Variants in ADCY5 observed in about 807,000 individuals in gnomAD.
The protein encoded by ADCY5 is adenylate cyclase type 5.
In ADCY5, 30 loss-of-function variants were observed where a neutral mutation model predicts 119.7. The observed-to-expected ratio is 0.25, with a 90% CI of 0.19 to 0.34. ADCY5 has a LOEUF of 0.34. Ranked by LOEUF, ADCY5 falls within the 10% of genes least tolerant of loss-of-function variation. The pLI is 1.00. For synonymous variants in ADCY5, 753 were observed against 762.2 expected, an observed-to-expected ratio of 0.99 and a Z score of 0.20; for missense variants, 1,324 against 1,775.2, an observed-to-expected ratio of 0.75 and a Z score of 4.57.
At position 123,286,302 on chromosome 3, in the gene ADCY5, T is replaced by G. The variant is rs1576518697; in HGVS notation, c.3657+383A>C. 6.6e-6 allele frequency among the ~76,000 whole-genome samples: 1 copy of G among 151,722 alleles called. No individual in the cohort carries two copies. Among genetic ancestry groups the G allele is most frequent in the Non-Finnish European group, 1.5e-5 (1 of 67,914 alleles). ...TGGCTCTCCTGAGCCAGGCCAGGAG[T>G]GCTGCAGGCTCAATGGGTAAGACCT... On this transcript the variant is annotated intron_variant, in intron 20 of 20. Coordinates refer to ENST00000462833, the MANE Select transcript of ADCY5 (RefSeq NM_183357.3). The surrounding 1 kb of genome is among the most constrained non-coding windows in gnomAD (Gnocchi z 4.2).
At chr3:123,419,712 T>C (rs1945261221) in intron 1 of ADCY5, among the ~76,000 whole-genome samples, 1 of 152,066 alleles carries the variant, frequency 6.6e-6, no homozygotes, top group Non-Finnish European at 1.5e-5. Context: ...TTGCTTCCAC[T>C]GCTCCCCCTG....
chr3:123,304,095 A>G lies in ADCY5; in HGVS notation c.2531T>C (p.Leu844Pro), dbSNP rs777065104. 1.3e-6 allele frequency: 2 copies of G among 1,572,026 alleles called. No individual in the cohort carries two copies. Among genetic ancestry groups the G allele is most frequent in the Non-Finnish European group, 1.7e-6 (2 of 1,153,020 alleles). The change falls in exon 13 of 21, where the codon CTG becomes CCG. Residue 844 changes from leucine (L) to proline (P), a missense_variant. Leu to Pro is a moderately conservative substitution (Grantham distance 98). Around this residue, in one of 6 missense-constraint regions of ADCY5, gnomAD observed 424 missense variants for 546.8 expected, o/e 0.78. Transcript: ENST00000462833. ...GTTGACAAAAGCCGCCAGGAACACCAGGGTGATGGTGAACACCCCAACCAG... is the reference window on the plus strand; with the variant it reads ...GTTGACAAAAGCCGCCAGGAACACCGGGGTGATGGTGAACACCCCAACCAG... ...STLVGVFTITLVFLAAFVNMF... is the reference protein window; with the variant it reads ...STLVGVFTITPVFLAAFVNMF...
chr3:123,428,947 T>G (rs1351934422), intron 1 of ADCY5, among the ~76,000 whole-genome samples: 1 of 152,226 alleles, frequency 6.6e-6, no homozygotes, highest in Non-Finnish European at 1.5e-5. Context: ...ACTTTTTAAC[T>G]GTGCAACCTT....
At chr3:123,428,190 T>C (rs1945450712) in intron 1 of ADCY5, among the ~76,000 whole-genome samples, 1 of 152,188 alleles carries the variant, frequency 6.6e-6, no homozygotes, top group Non-Finnish European at 1.5e-5. Flanking sequence ...GTACAGTCCC[T>C]TCTTATTTGA....
intron 1 of ADCY5, among the ~76,000 whole-genome samples, chr3:123,364,935 CT>C (rs376085783): frequency 1.2e-3 from 164 of 137,136 alleles, no homozygotes; most frequent in Middle Eastern, 3.8e-3. Flanking sequence ...GTGTTTTTCA[CT>C]TTTTTTTTTT....
At chr3:123,292,013 G>C (rs1048984482) in intron 17 of ADCY5, among the ~76,000 whole-genome samples, 1 of 152,166 alleles carries the variant, frequency 6.6e-6, no homozygotes, top group Non-Finnish European at 1.5e-5. Context: ...TTTGGGTCCT[G>C]GGTCTATGGG....
chr3:123,425,557 A>C (rs1291824814), intron 1 of ADCY5, among the ~76,000 whole-genome samples: 1 of 152,218 alleles, frequency 6.6e-6, no homozygotes, highest in Non-Finnish European at 1.5e-5. Context: ...TCTCTGTCCC[A>C]GTGGCCCCAG....
chr3:123,379,269 T>C (rs569585676), intron 1 of ADCY5, among the ~76,000 whole-genome samples: 1 of 152,148 alleles, frequency 6.6e-6, no homozygotes, highest in African/African-American at 2.4e-5. Context: ...TTTTCCATTC[T>C]CACCTGGTCC....
chr3:123,322,096 T>TG (rs899747757), intron 8 of ADCY5, among the ~76,000 whole-genome samples: 1 of 152,306 alleles, frequency 6.6e-6, no homozygotes, highest in African/African-American at 2.4e-5. Context: ...GCTCTCCCTC[T>TG]GGGGGGCAGG....
At chr3:123,284,835 C>T in intron 20 of ADCY5, 99 bp from the exon 21 acceptor site, 1 of 1,509,818 alleles carries the variant, frequency 6.6e-7, no homozygotes, top group Non-Finnish European at 9.1e-7. Flanking sequence ...CCTGTTGCCG[C>T]CCCTGACACA....
chr3:123,294,261 A>G (rs1284151941), intron 17 of ADCY5, among the ~76,000 whole-genome samples: 1 of 152,206 alleles, frequency 6.6e-6, no homozygotes, highest in Non-Finnish European at 1.5e-5. Context: ...GCTATCGGGC[A>G]TTTCCACAGC....
intron 1 of ADCY5, among the ~76,000 whole-genome samples, chr3:123,355,067 G>A (rs1035606179): frequency 1.3e-5 from 2 of 152,088 alleles, no homozygotes; most frequent in East Asian, 1.9e-4. Flanking sequence ...GTTCCCTCTC[G>A]TCACTCCTAT....
chr3:123,381,345 C>T (rs1944023793), intron 1 of ADCY5, among the ~76,000 whole-genome samples: 1 of 152,212 alleles, frequency 6.6e-6, no homozygotes, highest in East Asian at 1.9e-4. Flanking sequence ...GTGGCCTGTG[C>T]CACATTCAGG....
chr3:123,308,428 T>A (rs1940333560), intron 12 of ADCY5, among the ~76,000 whole-genome samples: 1 of 152,230 alleles, frequency 6.6e-6, no homozygotes, highest in Non-Finnish European at 1.5e-5. Context: ...TCCAGAAGAT[T>A]TGACATCCTG....
chr3:123,398,213 G>A (rs1039284871), intron 1 of ADCY5, among the ~76,000 whole-genome samples: 6 of 152,052 alleles, frequency 3.9e-5, no homozygotes, highest in South Asian at 2.1e-4. Flanking sequence ...AGGCCCCCAC[G>A]TGATTTCTAA....
rs548936896 is a variant in ADCY5, at chr3:123,304,437, G to C, written c.2443-254C>G. 2.0e-5 allele frequency among the ~76,000 whole-genome samples: 3 copies of C among 152,306 alleles called. No individual in the cohort carries two copies. The South Asian group carries it at 6.2e-4, about 32-fold the overall frequency. On this transcript the variant is annotated intron_variant, in intron 12 of 20. Coordinates refer to ENST00000462833, the MANE Select transcript of ADCY5 (RefSeq NM_183357.3). ...GACTACGTGGGGAACCCAGGTGAGA[G>C]AGGCAGGAAGACAGGAAAGATGGTA...
Position 123,319,727 on chromosome 3 carries a change from C to T in ADCY5, c.2203G>A (p.Glu735Lys). 6.2e-7 allele frequency: 1 copy of T among 1,614,272 alleles called. No individual in the cohort carries two copies. The highest frequency in any genetic ancestry group is 1.1e-5 in the South Asian group (1 of 91,084). The change falls in exon 10 of 21, where the codon GAG becomes AAG. Residue 735 changes from glutamate to lysine, a missense_variant. By Grantham distance (56) the Glu-to-Lys change is moderately conservative. Around this residue, in one of 6 missense-constraint regions of ADCY5, gnomAD observed 424 missense variants for 546.8 expected, o/e 0.78. Coordinates refer to ENST00000462833, the MANE Select transcript of ADCY5 (RefSeq NM_183357.3). Reference sequence around the variant, plus strand: ...GTCAGGAGGAACTTGCGGACGTGCTCAGACCGAAGCCTATCAATGCTCCTG... The same window carrying T: ...GTCAGGAGGAACTTGCGGACGTGCTTAGACCGAAGCCTATCAATGCTCCTG... ...DARSIDRLRS[E>K]HVRKFLLTFR...
At chr3:123,329,237 T>C (rs1559811039) in intron 5 of ADCY5, among the ~76,000 whole-genome samples, 1 of 152,236 alleles carries the variant, frequency 6.6e-6, no homozygotes. Context: ...ATTATCTTTT[T>C]ATTGGATTTA....
chr3:123,399,344 A>G (rs941287014), intron 1 of ADCY5, among the ~76,000 whole-genome samples: 9 of 152,248 alleles, frequency 5.9e-5, no homozygotes, highest in African/African-American at 2.2e-4. Context: ...CTATGGAAAA[A>G]TATTAAATTA....
Sources: gnomAD v4.1 joint callset for allele counts (sites outside exome capture counted in the v4.1 genomes callset) on GRCh38, gnomAD v4.1.1 for gene constraint, gnomAD v4.1.1 regional missense constraint, Gnocchi (gnomAD v3.1) non-coding constraint, MANE v1.5 for transcripts, NCBI Gene and HGNC (gene_info 2026-07-23, HGNC 2026-07-21) for gene names.